The following ELAPOR1 variants were observed in gnomAD, a reference collection of about 807,000 sequenced individuals.
ELAPOR1 encodes endosome-lysosome associated apoptosis and autophagy regulator 1.
ELAPOR1 carries 77 observed loss-of-function variants against 119.7 expected under a neutral mutation model. The ratio of observed to expected loss-of-function variants is 0.64; its 90% CI spans 0.54 to 0.78. The LOEUF is 0.78. Ranked by LOEUF, ELAPOR1 falls within the 30% of genes least tolerant of loss-of-function variation. The pLI is 0.00. For missense variants in ELAPOR1, 1,115 were observed against 1,270.4 expected, an observed-to-expected ratio of 0.88 and a Z score of 1.86; for synonymous variants, 481 against 487.2, an observed-to-expected ratio of 0.99 and a Z score of 0.17.
At position 109,114,240 on chromosome 1, in the gene ELAPOR1, G is replaced by C. The variant is rs1647811365; in HGVS notation, c.57G>C (p.Glu19Asp). 1.9e-6 allele frequency: 3 copies of C among 1,605,178 alleles called. No individual in the cohort carries two copies. The highest frequency in any genetic ancestry group is 2.6e-6 in the Non-Finnish European group (3 of 1,175,794). The part of the protein sequence containing the change: ...HLSARVRGRT[E>D]RRIPRLWRLL... ...CCGCCAGAGTCAGGGGAAGAACTGA[G>C]AGGCGCATACCCCGGCTGTGGCGGC... Residue 19 changes from glutamate (E) to aspartate (D), a missense_variant, in exon 1 of 22, where the codon GAG (glutamate) becomes GAC (aspartate). Coordinates refer to ENST00000369939, the MANE Select transcript of ELAPOR1 (RefSeq NM_020775.5).
At chr1:109,151,463 A>G (rs1242968242) in intron 1 of ELAPOR1, among the ~76,000 whole-genome samples, 1 of 152,196 alleles carries the variant, frequency 6.6e-6, no homozygotes, top group African/African-American at 2.4e-5. Context: ...CCTGAGCCTC[A>G]ACCAGTCCAT....
chr1:109,120,457 C>T (rs1020524523), intron 1 of ELAPOR1, among the ~76,000 whole-genome samples: 5 of 151,062 alleles, frequency 3.3e-5, no homozygotes, highest in Non-Finnish European at 5.9e-5. Context: ...TTTGCCCCCT[C>T]CACTATATGA....
chr1:109,125,630 C>A (rs374442524), intron 1 of ELAPOR1, among the ~76,000 whole-genome samples: 1 of 151,944 alleles, frequency 6.6e-6, no homozygotes, highest in African/African-American at 2.4e-5. Flanking sequence ...GTGATCTGCC[C>A]GCCTTGGCCT....
At chr1:109,125,019 C>T (rs1648682141) in intron 1 of ELAPOR1, among the ~76,000 whole-genome samples, 1 of 152,114 alleles carries the variant, frequency 6.6e-6, no homozygotes, top group Non-Finnish European at 1.5e-5. Flanking sequence ...ACCTCCACCT[C>T]CCAGGTTCAA....
intron 7 of ELAPOR1, among the ~76,000 whole-genome samples, chr1:109,174,636 T>C (rs1431981859): frequency 2.6e-5 from 4 of 151,256 alleles, no homozygotes; most frequent in African/African-American, 4.9e-5. Flanking sequence ...GTATGTGAGA[T>C]GGTAAAAAGT....
intron 10 of ELAPOR1, 132 bp from the exon 11 acceptor site, chr1:109,189,460 C>A: frequency 2.3e-6 from 2 of 859,210 alleles, no homozygotes; most frequent in Non-Finnish European, 3.7e-6. Context: ...ATAAGTAACA[C>A]GGTTCATGTT....
At chr1:109,144,060 TA>T (rs1257626966) in intron 1 of ELAPOR1, among the ~76,000 whole-genome samples, 1,256 of 41,006 alleles carry the variant, frequency 0.031, 68 homozygotes, top group African/African-American at 0.047. Flanking sequence ...TATATTTATA[TA>T]TTTTTTTTTT....
At chr1:109,153,308 G>A (rs1172497344) in intron 1 of ELAPOR1, among the ~76,000 whole-genome samples, 1 of 152,004 alleles carries the variant, frequency 6.6e-6, no homozygotes, top group Admixed American at 6.6e-5. Flanking sequence ...CCACTTCTGG[G>A]AATTTATCTA....
intron 1 of ELAPOR1, among the ~76,000 whole-genome samples, chr1:109,121,533 C>T (rs1202558540): frequency 1.3e-5 from 2 of 152,156 alleles, no homozygotes; most frequent in African/African-American, 4.8e-5. Flanking sequence ...AAGTAACAGC[C>T]TTGAACTCGT....
intron 1 of ELAPOR1, among the ~76,000 whole-genome samples, chr1:109,133,689 A>C (rs1368625650): frequency 6.6e-6 from 1 of 152,196 alleles, no homozygotes; most frequent in Non-Finnish European, 1.5e-5. Flanking sequence ...TTTGTCTCAA[A>C]TTGGAATAGC....
intron 1 of ELAPOR1, among the ~76,000 whole-genome samples, chr1:109,142,293 G>C (rs778011852): frequency 3.3e-5 from 5 of 152,200 alleles, no homozygotes; most frequent in Admixed American, 2.0e-4. Context: ...AGACGTATAG[G>C]TAGAAGCTGA....
intron 1 of ELAPOR1, among the ~76,000 whole-genome samples, chr1:109,133,438 G>A (rs915556000): frequency 2.6e-5 from 4 of 152,034 alleles, no homozygotes; most frequent in African/African-American, 9.7e-5. Context: ...AGGTGCAACA[G>A]AAAGATGTAC....
chr1:109,200,692 C>G (rs777582021), intron 20 of ELAPOR1, 43 bp from the exon 21 acceptor site: 1 of 1,592,784 alleles, frequency 6.3e-7, no homozygotes, highest in South Asian at 1.1e-5. Context: ...CCCCTTATTC[C>G]CACATTTTGG....
chr1:109,163,375 A>C (rs1049828072), intron 2 of ELAPOR1, among the ~76,000 whole-genome samples: 3 of 152,148 alleles, frequency 2.0e-5, no homozygotes, highest in African/African-American at 7.2e-5. Flanking sequence ...AAATAAGGAG[A>C]ATAATAGTAC....
intron 3 of ELAPOR1, among the ~76,000 whole-genome samples, chr1:109,167,525 T>C (rs1651672164): frequency 1.3e-5 from 2 of 152,200 alleles, no homozygotes; most frequent in African/African-American, 4.8e-5. Context: ...CTGCCTGCTC[T>C]GCCTCAAGAG....
At position 109,130,347 on chromosome 1, in the gene ELAPOR1, T is replaced by G. The variant is rs182753977; in HGVS notation, c.153+16011T>G. Among the ~76,000 whole-genome samples the G allele has an allele frequency of 1.5e-3, 229 of 152,130 alleles. 3 individuals carry two copies. In the Middle Eastern group the frequency reaches 0.031, roughly 20 times the overall value. On this transcript the variant is annotated intron_variant, in intron 1 of 21. Transcript: ENST00000369939. ...TGCCAATGAGCAGAGAAAAATTATT[T>G]GTATGGGTTGGAGTGGTTAAGGAGA...
chr1:109,157,460 C>T (rs1419106600), intron 1 of ELAPOR1, among the ~76,000 whole-genome samples: 1 of 152,164 alleles, frequency 6.6e-6, no homozygotes, highest in Non-Finnish European at 1.5e-5. Flanking sequence ...AAGGCACTCC[C>T]TCTCTGGGCA....
Position 109,194,610 on chromosome 1 carries a change from T to G in ELAPOR1, c.2121+16T>G. On this transcript the variant is annotated intron_variant, in intron 15 of 21. Transcript: ENST00000369939. Reference sequence around the variant, plus strand: ...TGGAAACCAGGTAAGGTATACCAGTTGACAGGGTGAAAATTGAATGGGGGA... The same window carrying G: ...TGGAAACCAGGTAAGGTATACCAGTGGACAGGGTGAAAATTGAATGGGGGA... 1 of 1,611,394 alleles carries G rather than the reference T, an allele frequency of 6.2e-7. No homozygotes were observed. The highest frequency in any genetic ancestry group is 8.5e-7 in the Non-Finnish European group (1 of 1,177,644).
chr1:109,127,705 C>T (rs1288062794), intron 1 of ELAPOR1, among the ~76,000 whole-genome samples: 1 of 152,052 alleles, frequency 6.6e-6, no homozygotes, highest in Non-Finnish European at 1.5e-5. Context: ...GCTGGAATTA[C>T]AGGCACATGT....
Sources: allele counts gnomAD v4.1 joint callset (sites outside exome capture counted in the v4.1 genomes callset), GRCh38; gene constraint gnomAD v4.1.1; transcripts MANE v1.5; gene names NCBI Gene and HGNC (gene_info 2026-07-23, HGNC 2026-07-21).